Variants in GDPD4 observed in about 807,000 individuals in gnomAD.
GDPD4 encodes the protein glycerophosphodiester phosphodiesterase 6.
Under a neutral mutation model 67.8 loss-of-function variants are expected in GDPD4, and 60 were observed. That is an observed-to-expected ratio of 0.88 (90% CI 0.72 to 1.10). The LOEUF (loss-of-function observed/expected upper bound fraction) is 1.10, where lower values mean the gene tolerates loss of function less well. Among genes scored for constraint, GDPD4 ranks in the 50% least tolerant of loss-of-function variants. The pLI is 0.00. For missense variants in GDPD4, 623 were observed against 613.9 expected (o/e 1.01, Z -0.16); for synonymous variants, 212 against 210.9 (o/e 1.00, Z -0.04).
intron 6 of GDPD4, 32 bp from the exon 7 acceptor site, chr11:77,271,255 A>G (rs1959219718): frequency 1.2e-6 from 2 of 1,607,602 alleles, no homozygotes; most frequent in Admixed American, 3.3e-5. Flanking sequence ...GGCTGGATAC[A>G]TCTAGACAGC....
chr11:77,272,646 C>T (rs903231843), intron 5 of GDPD4, among the ~76,000 whole-genome samples: 3 of 151,922 alleles, frequency 2.0e-5, no homozygotes, highest in Non-Finnish European at 4.4e-5. Flanking sequence ...TGTGGTTGCA[C>T]ACAACTGTAG....
At chr11:77,269,660 A>G (rs1476939990) in intron 8 of GDPD4, among the ~76,000 whole-genome samples, 2 of 151,684 alleles carry the variant, frequency 1.3e-5, no homozygotes, top group Non-Finnish European at 2.9e-5. Flanking sequence ...CATAATAGTT[A>G]CTCTATAAAT....
chr11:77,290,408 TTAAG>T (rs1169872270), intron 1 of GDPD4, among the ~76,000 whole-genome samples: 1 of 152,178 alleles, frequency 6.6e-6, no homozygotes, highest in African/African-American at 2.4e-5. Context: ...CTAAATCACA[TTAAG>T]TATCTTTTCT....
chr11:77,225,494 G>GTC (rs757837265), intron 16 of GDPD4, among the ~76,000 whole-genome samples: 3 of 151,988 alleles, frequency 2.0e-5, no homozygotes, highest in South Asian at 4.2e-4. Context: ...AATCAAGATA[G>GTC]TCTCTCTCTC....
intron 16 of GDPD4, among the ~76,000 whole-genome samples, chr11:77,222,939 C>A (rs1565503954): frequency 6.6e-6 from 1 of 151,896 alleles, no homozygotes; most frequent in African/African-American, 2.4e-5. Context: ...TCTTTTTACT[C>A]TACTTCTCTT....
intron 3 of GDPD4, among the ~76,000 whole-genome samples, chr11:77,280,310 T>C (rs1333294171): frequency 1.3e-5 from 2 of 152,018 alleles, no homozygotes; most frequent in Non-Finnish European, 2.9e-5. Flanking sequence ...ATAAATATAT[T>C]TAAGATCTTC....
chr11:77,267,285 CTA>C (rs1000572727), intron 10 of GDPD4, among the ~76,000 whole-genome samples: 2 of 152,318 alleles, frequency 1.3e-5, no homozygotes, highest in Admixed American at 1.3e-4. Flanking sequence ...TAAGTTCACT[CTA>C]TGATATTCAC....
intron 1 of GDPD4, among the ~76,000 whole-genome samples, chr11:77,293,049 T>TCTA (rs1283720272): frequency 6.6e-6 from 1 of 152,146 alleles, no homozygotes; most frequent in Non-Finnish European, 1.5e-5. Flanking sequence ...ACTGGTGAAT[T>TCTA]CTACCAAACA....
At chr11:77,224,490 TGAAGAAGTAAGCTGCCA>T (rs566826844) in intron 16 of GDPD4, among the ~76,000 whole-genome samples, 104 of 152,342 alleles carry the variant, frequency 6.8e-4, no homozygotes, top group African/African-American at 2.4e-3. Flanking sequence ...TTGTTGGCTT[TGAAGAAGTAAGCTGCCA>T]TGTTGTGAGG....
At chr11:77,244,845 G>A (rs537827027) in intron 12 of GDPD4, among the ~76,000 whole-genome samples, 1 of 152,288 alleles carries the variant, frequency 6.6e-6, no homozygotes, top group South Asian at 2.1e-4. Context: ...CTGCCCAAAT[G>A]CAGAGTTGCT....
At chr11:77,235,009 GTTTTTTTTT>G (rs57989259) in intron 13 of GDPD4, among the ~76,000 whole-genome samples, 18 of 52,264 alleles carry the variant, frequency 3.4e-4, no homozygotes, top group South Asian at 2.6e-3. Context: ...GTCAATATCT[GTTTTTTTTT>G]TTTTTTTTTT....
At chr11:77,270,832 C>T in intron 7 of GDPD4, 1 of 298,962 alleles carries the variant, frequency 3.3e-6, no homozygotes, top group Non-Finnish European at 6.1e-6. Flanking sequence ...ACTGCGTCAC[C>T]CACCATCCAT....
chr11:77,290,959 A>G (rs1353796928), intron 1 of GDPD4, among the ~76,000 whole-genome samples: 1 of 152,230 alleles, frequency 6.6e-6, no homozygotes, highest in African/African-American at 2.4e-5. Context: ...AACAATATGG[A>G]GATTTCTCAA....
chr11:77,296,879 C>G (rs1466435534), intron 1 of GDPD4, among the ~76,000 whole-genome samples: 1 of 150,336 alleles, frequency 6.7e-6, no homozygotes, highest in East Asian at 2.0e-4. Flanking sequence ...CCAGGTGAAA[C>G]TCCGTCTCTA....
chr11:77,227,759 C>G, intron 16 of GDPD4, 105 bp downstream of exon 16: 8 of 486,656 alleles, frequency 1.6e-5, no homozygotes, highest in Non-Finnish European at 2.5e-5. Flanking sequence ...CCCCAACTTT[C>G]CAGACACCCT....
intron 11 of GDPD4, among the ~76,000 whole-genome samples, chr11:77,249,330 C>T (rs1293045112): frequency 6.7e-6 from 1 of 150,154 alleles, no homozygotes; most frequent in African/African-American, 2.4e-5. Context: ...AAATGTACTA[C>T]AGACAAATTG....
chr11:77,293,771 C>T (rs189669533), intron 1 of GDPD4, among the ~76,000 whole-genome samples: 2 of 152,128 alleles, frequency 1.3e-5, no homozygotes, highest in East Asian at 3.9e-4. Flanking sequence ...TATTAAAAGC[C>T]AATAGCTAAC....
chr11:77,263,968 A>G (rs910673072), intron 10 of GDPD4, among the ~76,000 whole-genome samples: 1 of 152,186 alleles, frequency 6.6e-6, no homozygotes, highest in African/African-American at 2.4e-5. Context: ...ATGGACTTCC[A>G]GTGACTGTTG....
chr11:77,260,937 T>C (rs549136272), intron 10 of GDPD4, among the ~76,000 whole-genome samples: 3 of 152,254 alleles, frequency 2.0e-5, no homozygotes, highest in Admixed American at 6.5e-5. Flanking sequence ...CAGTATTATA[T>C]ATATGTAAAT....
Sources: gnomAD v4.1 joint callset for allele counts (sites outside exome capture counted in the v4.1 genomes callset) on GRCh38, gnomAD v4.1.1 for gene constraint, MANE v1.5 for transcripts, NCBI Gene and HGNC (gene_info 2026-07-23, HGNC 2026-07-21) for gene names.